Variants in TIMM50 observed in about 807,000 individuals in gnomAD.
The protein encoded by TIMM50 is translocase of inner mitochondrial membrane 50, also known as mitochondrial import inner membrane translocase subunit TIM50.
Under a neutral mutation model 49.6 loss-of-function variants are expected in TIMM50, and 34 were observed. That is an observed-to-expected ratio of 0.69 (90% CI 0.52 to 0.91). TIMM50 has a LOEUF of 0.91. Among genes scored for constraint, TIMM50 ranks in the 40% least tolerant of loss-of-function variants. TIMM50 has a pLI of 0.00. For synonymous variants in TIMM50, 199 were observed against 198.4 expected, an observed-to-expected ratio of 1.00 and a Z score of -0.03; for missense variants, 458 against 477.8, an observed-to-expected ratio of 0.96 and a Z score of 0.39.
At chr19:39,483,918 A>G (rs531076188) in intron 4 of TIMM50, among the ~76,000 whole-genome samples, 3 of 152,080 alleles carry the variant, frequency 2.0e-5, no homozygotes, top group Admixed American at 6.5e-5. Flanking sequence ...CAGTGATGCA[A>G]TTTTGGCTCA....
Position 39,489,977 on chromosome 19 carries a change from C to T in TIMM50, c.*157C>T. 1 of 702,374 alleles carries T rather than the reference C, an allele frequency of 1.4e-6. No individual in the cohort carries two copies. Among genetic ancestry groups the T allele is most frequent in the Non-Finnish European group, 2.4e-6 (1 of 418,470 alleles). The allele number at this position is 702,374 out of a possible 1,614,324, so 43.5% of individuals were successfully genotyped here. ...GGGGGCATCAGGGTGAGGTCCGGGA[C>T]TCTTGGGTCATCGTCCCACAGTGGC... On this transcript the variant is annotated 3_prime_UTR_variant, in exon 11 of 11. Coordinates refer to ENST00000607714, the MANE Select transcript of TIMM50 (RefSeq NM_001001563.5).
At chr19:39,489,208 C>T (rs1441757451) in intron 10 of TIMM50, among the ~76,000 whole-genome samples, 1 of 151,672 alleles carries the variant, frequency 6.6e-6, no homozygotes, top group Non-Finnish European at 1.5e-5. Context: ...AGGGAACCCC[C>T]CACCCCTGCA....
rs189879040 is a variant in TIMM50 at position 39,481,026 on chromosome 19, C to T, written c.108+65C>T. On this transcript the variant is annotated intron_variant, in intron 1 of 10. Transcript: ENST00000607714. The stretch of plus-strand genomic sequence containing the variant: ...TTCCCTGGAGTTACGGACATATCGC[C>T]GCCCCTTGGGGGTTCCGGGACGCCT... 89 of 1,484,376 alleles carry T rather than the reference C, an allele frequency of 6.0e-5. No homozygotes were observed. The African/African-American group carries it at 1.2e-3, about 19-fold the overall frequency. 92.0% of individuals were successfully genotyped at this position (1,484,376 alleles called of 1,614,324 possible).
At chr19:39,486,004 C>A (rs920757659) in intron 6 of TIMM50, 183 bp from the exon 7 acceptor site, 2 of 1,093,780 alleles carry the variant, frequency 1.8e-6, no homozygotes, top group Non-Finnish European at 2.7e-6. Context: ...CCCAGGCACG[C>A]TATAAGTGCC....
intron 2 of TIMM50, among the ~76,000 whole-genome samples, chr19:39,482,380 G>C (rs948884421): frequency 6.6e-6 from 1 of 152,134 alleles, no homozygotes; most frequent in Non-Finnish European, 1.5e-5. Context: ...AGACCCGGCC[G>C]GGCACGGTGG....
chr19:39,483,177 T>C (rs199821351), intron 4 of TIMM50, 21 bp downstream of exon 4: 5 of 1,613,972 alleles, frequency 3.1e-6, no homozygotes, highest in Non-Finnish European at 3.4e-6. Context: ...AAGCACAGAT[T>C]CTGGAGTCCC....
intron 4 of TIMM50, chr19:39,483,491 G>T: frequency 3.0e-6 from 1 of 328,190 alleles, no homozygotes; most frequent in East Asian, 5.7e-5. Flanking sequence ...CATCCCCCTC[G>T]AGCCCCTACC....
At chr19:39,482,938 G>A (rs1458608002) in intron 3 of TIMM50, 22 bp downstream of exon 3, 1 of 1,614,202 alleles carries the variant, frequency 6.2e-7, no homozygotes. Flanking sequence ...AGAGACCGAG[G>A]CCTTGCCAGG....
intron 8 of TIMM50, 122 bp downstream of exon 8, chr19:39,486,617 G>T: frequency 1.1e-6 from 1 of 882,274 alleles, no homozygotes. Flanking sequence ...TTCGATTCCT[G>T]CTGGCAGGCA....
rs1419018052 is a variant in TIMM50 at position 39,486,226 on chromosome 19, G to A, written c.532G>A (p.Glu178Lys). The A allele has an allele frequency of 2.5e-6, 4 of 1,614,140 alleles. No individual in the cohort carries two copies. The highest frequency in any genetic ancestry group is 1.3e-5 in the African/African-American group (1 of 75,040). ...GWRFKKRPGI[E>K]TLFQQLAPLY... is the part of the protein sequence containing the mutation. ...GAGGTTTAAGAAGCGCCCAGGCATC[G>A]AGACCTTGTTCCAGCAGCTTGCCCC... Residue 178 changes from glutamate (E) to lysine (K), a missense_variant, in exon 7 of 11, where the codon GAG becomes AAG. Physicochemically the swap from Glu to Lys is moderately conservative, Grantham distance 56 (BLOSUM62 1). Coordinates refer to ENST00000607714, the MANE Select transcript of TIMM50 (RefSeq NM_001001563.5).
chr19:39,483,131 C>T lies in TIMM50; in HGVS notation c.292-4C>T, dbSNP rs1422693623. 3 of 1,614,024 alleles carry T rather than the reference C, an allele frequency of 1.9e-6. No individual in the cohort carries two copies. Among genetic ancestry groups the T allele is most frequent in the Non-Finnish European group, 2.5e-6 (3 of 1,180,042 alleles). On this transcript the variant is annotated splice_region_variant and splice_polypyrimidine_tract_variant and intron_variant, in intron 3 of 10. Coordinates refer to ENST00000607714, the MANE Select transcript of TIMM50 (RefSeq NM_001001563.5). ...AACCTTCCATTTTTCTCTCTACCTC[C>T]CAGATTCCTGATGAGTTCGACAATG...
rs962764008 is a variant in TIMM50, at chr19:39,488,467, C to T, written c.854-72C>T. 15 of 1,429,070 alleles carry T rather than the reference C, an allele frequency of 1.0e-5. No homozygotes were observed. The African/African-American group carries it at 1.1e-4, about 11-fold the overall frequency. The allele number at this position is 1,429,070 out of a possible 1,614,324, so 88.5% of individuals were successfully genotyped here. Reference sequence around the variant, plus strand: ...ACTGCCCCCGTGCCCCAGTGCGGGACGTTCCCCTCATGGGCCCTGCCTCCC... The same window carrying T: ...ACTGCCCCCGTGCCCCAGTGCGGGATGTTCCCCTCATGGGCCCTGCCTCCC... On this transcript the variant is annotated intron_variant, in intron 9 of 10. Coordinates refer to ENST00000607714, the MANE Select transcript of TIMM50 (RefSeq NM_001001563.5).
intron 1 of TIMM50, chr19:39,481,250 G>T: frequency 2.1e-6 from 1 of 470,330 alleles, no homozygotes; most frequent in Non-Finnish European, 3.7e-6. Context: ...AGCAGGAGGG[G>T]CCTGGGACGC....
chr19:39,488,692 G>T, intron 10 of TIMM50, 47 bp downstream of exon 10: 1 of 1,485,662 alleles, frequency 6.7e-7, no homozygotes. Flanking sequence ...TGAGGCTCCT[G>T]AAGGAGGAGC....
intron 8 of TIMM50, 50 bp from the exon 9 acceptor site, chr19:39,488,011 G>C: frequency 1.9e-6 from 3 of 1,571,314 alleles, no homozygotes; most frequent in Middle Eastern, 1.7e-4. Context: ...TCTTCTTGAT[G>C]GGGGGAGAGT....
chr19:39,486,247 G>T lies in TIMM50; in HGVS notation c.553G>T (p.Ala185Ser). 1.2e-6 allele frequency: 2 copies of T among 1,614,162 alleles called. No individual in the cohort carries two copies. Among genetic ancestry groups the T allele is most frequent in the Non-Finnish European group, 1.7e-6 (2 of 1,180,036 alleles). Residue 185 changes from alanine (A) to serine (S), a missense_variant, in exon 7 of 11, where the codon GCC becomes TCC. Physicochemically the swap from Ala to Ser is moderately conservative, Grantham distance 99. Coordinates refer to ENST00000607714, the MANE Select transcript of TIMM50 (RefSeq NM_001001563.5). ...CATCGAGACCTTGTTCCAGCAGCTT[G>T]CCCCTTTATATGAAATTGTCATCTT... is the stretch of plus-strand genomic sequence containing the variant. ...PGIETLFQQLAPLYEIVIFTS... is the reference protein window; with the variant it reads ...PGIETLFQQLSPLYEIVIFTS...
chr19:39,485,885 C>T (rs1354532612), intron 6 of TIMM50, 78 bp downstream of exon 6: 14 of 1,579,874 alleles, frequency 8.9e-6, no homozygotes, highest in African/African-American at 4.1e-5. Context: ...TCAGCCCTGG[C>T]TGTGCTATGT....
At position 39,487,435 on chromosome 19, in the gene TIMM50, G is replaced by A. The variant is rs1204995872; in HGVS notation, c.697-626G>A. 5.3e-5 allele frequency among the ~76,000 whole-genome samples: 8 copies of A among 152,092 alleles called. No individual in the cohort carries two copies. In the East Asian group the frequency reaches 1.5e-3, roughly 29 times the overall value. On this transcript the variant is annotated intron_variant, in intron 8 of 10. Transcript: ENST00000607714. ...CTATAGGCACACACCACCATGCCTG[G>A]CTAATTTTTATTTTTATTTTTATTT... is the stretch of plus-strand genomic sequence containing the variant.
At chr19:39,489,148 C>A (rs764897865) in intron 10 of TIMM50, among the ~76,000 whole-genome samples, 1 of 151,878 alleles carries the variant, frequency 6.6e-6, no homozygotes, top group African/African-American at 2.4e-5. Context: ...GAGTTGGGAG[C>A]CCCTGAGTGC....
Sources: gnomAD v4.1 joint callset for allele counts (sites outside exome capture counted in the v4.1 genomes callset) on GRCh38, gnomAD v4.1.1 for gene constraint, MANE v1.5 for transcripts, NCBI Gene and HGNC (gene_info 2026-07-23, HGNC 2026-07-21) for gene names.